The following KYAT1 variants were observed in gnomAD, a reference collection of about 807,000 sequenced individuals.
KYAT1 encodes the protein kynurenine--oxoglutarate transaminase 1.
Under a neutral mutation model 52.4 loss-of-function variants are expected in KYAT1, and 47 were observed. The ratio of observed to expected loss-of-function variants is 0.90; its 90% CI spans 0.71 to 1.14. The LOEUF (loss-of-function observed/expected upper bound fraction) is 1.14. KYAT1 is among the 50% of genes most tolerant of loss of function. The pLI is 0.00. For synonymous variants in KYAT1, 212 were observed against 209.6 expected, an observed-to-expected ratio of 1.01 and a Z score of -0.10; for missense variants, 480 against 557.9, an observed-to-expected ratio of 0.86 and a Z score of 1.41.
At chr9:128,857,320 G>C (rs1053135126) in intron 1 of KYAT1, among the ~76,000 whole-genome samples, 3 of 152,136 alleles carry the variant, frequency 2.0e-5, no homozygotes. Context: ...GCTGGTGCAG[G>C]TCCTTGATAT....
intron 1 of KYAT1, among the ~76,000 whole-genome samples, chr9:128,855,747 A>G (rs1834513530): frequency 6.6e-6 from 1 of 152,240 alleles, no homozygotes. Context: ...CCATCCATCC[A>G]TATTTTAACA....
chr9:128,838,211 C>A lies in KYAT1; in HGVS notation c.351+7G>T. On this transcript the variant is annotated splice_region_variant and intron_variant, in intron 4 of 12. Transcript: ENST00000302586. ...AGTCCCACTCAGCCCAAGTCTTGCC[C>A]ACTCACCTCGTCTCCTTCGTCCACC... 1 of 1,614,228 alleles carries A rather than the reference C, an allele frequency of 6.2e-7. No homozygotes were observed. Among genetic ancestry groups the A allele is most frequent in the Non-Finnish European group, 8.5e-7 (1 of 1,180,042 alleles).
chr9:128,842,272 C>T (rs758735046), intron 3 of KYAT1: 15 of 178,930 alleles, frequency 8.4e-5, no homozygotes, highest in Non-Finnish European at 1.2e-4. Context: ...TTCCGGAAAA[C>T]GTTTGGATTT....
intron 11 of KYAT1, among the ~76,000 whole-genome samples, chr9:128,834,818 TG>T (rs1830715089): frequency 1.2e-5 from 1 of 80,352 alleles, no homozygotes; most frequent in Non-Finnish European, 2.3e-5. Context: ...GGCGACAGAG[TG>T]AGACTCTGTC....
intron 1 of KYAT1, among the ~76,000 whole-genome samples, chr9:128,847,135 C>T (rs1833226929): frequency 6.6e-6 from 1 of 152,114 alleles, no homozygotes; most frequent in Non-Finnish European, 1.5e-5. Context: ...GCCCAGGAAC[C>T]CCACCGCGCC....
At chr9:128,853,616 T>A (rs1834224717) in intron 1 of KYAT1, among the ~76,000 whole-genome samples, 1 of 152,230 alleles carries the variant, frequency 6.6e-6, no homozygotes, top group Non-Finnish European at 1.5e-5. Context: ...TCCCATTTTA[T>A]ATTACTCATA....
chr9:128,847,594 T>G, intron 1 of KYAT1: 1 of 1,214,950 alleles, frequency 8.2e-7, no homozygotes, highest in Non-Finnish European at 1.1e-6. Context: ...GAAACAGCCC[T>G]GGCCAGAAAA....
intron 3 of KYAT1, among the ~76,000 whole-genome samples, chr9:128,841,271 G>A (rs1001998814): frequency 2.6e-5 from 4 of 152,210 alleles, no homozygotes; most frequent in African/African-American, 7.2e-5. Flanking sequence ...TTGGGAGGCC[G>A]AGGCAGGCGA....
intron 11 of KYAT1, 32 bp from the exon 12 acceptor site, chr9:128,833,858 G>T: frequency 6.3e-7 from 1 of 1,584,614 alleles, no homozygotes; most frequent in Non-Finnish European, 8.7e-7. Flanking sequence ...TCTCAACACG[G>T]CCTCGTGGCC....
intron 1 of KYAT1, among the ~76,000 whole-genome samples, chr9:128,854,216 A>AAAGGAAAAGGACAGT (rs1033971259): frequency 1.3e-5 from 2 of 152,234 alleles, no homozygotes; most frequent in Non-Finnish European, 2.9e-5. Context: ...TTAAACAAAA[A>AAAGGAAAAGGACAGT]AAGGAAAAGG....
At chr9:128,842,111 G>A (rs777610419) in intron 3 of KYAT1, 1 of 364,636 alleles carries the variant, frequency 2.7e-6, no homozygotes, top group Middle Eastern at 8.4e-4. Flanking sequence ...AGGACCACTT[G>A]AGACTGGCAG....
At chr9:128,850,584 C>T (rs889287330) in intron 1 of KYAT1, among the ~76,000 whole-genome samples, 3 of 152,150 alleles carry the variant, frequency 2.0e-5, no homozygotes, top group African/African-American at 4.8e-5. Context: ...GCGTATTGTC[C>T]GAGGTTTCTC....
At chr9:128,878,307 G>A (rs1215282560) in intron 1 of KYAT1, among the ~76,000 whole-genome samples, 1 of 151,820 alleles carries the variant, frequency 6.6e-6, no homozygotes, top group Non-Finnish European at 1.5e-5. Context: ...GCTAATTTTT[G>A]TATTTTTGAT....
intron 1 of KYAT1, chr9:128,847,440 T>G: frequency 1.3e-6 from 2 of 1,535,168 alleles, no homozygotes; most frequent in Non-Finnish European, 1.7e-6. Flanking sequence ...TACAGTCTGG[T>G]GCAAGAACCA....
chr9:128,838,437 C>A, intron 3 of KYAT1, 70 bp from the exon 4 acceptor site: 1 of 1,585,810 alleles, frequency 6.3e-7, no homozygotes, highest in South Asian at 1.1e-5. Flanking sequence ...TGTATCCAGG[C>A]AATTCTAGCA....
intron 1 of KYAT1, among the ~76,000 whole-genome samples, chr9:128,853,170 C>T (rs1267960077): frequency 6.6e-6 from 1 of 152,210 alleles, no homozygotes; most frequent in African/African-American, 2.4e-5. Flanking sequence ...ACAGGTTAGA[C>T]AAGCTTTTAT....
At chr9:128,878,660 T>C (rs1194889020) in intron 1 of KYAT1, among the ~76,000 whole-genome samples, 2 of 152,252 alleles carry the variant, frequency 1.3e-5, no homozygotes, top group East Asian at 3.9e-4. Context: ...ACAGTCCCCC[T>C]GGGCTTAGGA....
chr9:128,858,395 TAAAAAAAA>T (rs59939090), intron 1 of KYAT1, among the ~76,000 whole-genome samples: 1 of 65,102 alleles, frequency 1.5e-5, no homozygotes. Context: ...AGACCATGTA[TAAAAAAAA>T]AAAAAAAAAA....
chr9:128,835,187 G>T, intron 11 of KYAT1, 136 bp downstream of exon 11: 1 of 744,582 alleles, frequency 1.3e-6, no homozygotes, highest in Non-Finnish European at 2.4e-6. Context: ...ATTCTCTGAA[G>T]TGGATACAAC....
Sources: gnomAD v4.1 joint callset for allele counts (sites outside exome capture counted in the v4.1 genomes callset) on GRCh38, gnomAD v4.1.1 for gene constraint, MANE v1.5 for transcripts, NCBI Gene and HGNC (gene_info 2026-07-23, HGNC 2026-07-21) for gene names.